Variants in EPHA6 observed in about 807,000 individuals in gnomAD.
EPHA6 encodes the protein EPH receptor A6.
A neutral mutation model predicts 112.0 loss-of-function variants in EPHA6; 50 were observed. The ratio of observed to expected loss-of-function variants is 0.45; its 90% confidence interval spans 0.36 to 0.56. The LOEUF (loss-of-function observed/expected upper bound fraction) is 0.56, where lower values mean the gene tolerates loss of function less well. Ranked by LOEUF, EPHA6 falls within the 20% of genes least tolerant of loss-of-function variation. The pLI, the probability that EPHA6 is intolerant of heterozygous loss-of-function variation, is 0.00. For missense variants in EPHA6, 1,280 were observed against 1,417.4 expected, an observed-to-expected ratio of 0.90 and a Z score of 1.56; for synonymous variants, 529 against 490.7, an observed-to-expected ratio of 1.08 and a Z score of -1.03.
At chr3:97,053,424 G>T (rs1453392223) in intron 3 of EPHA6, among the ~76,000 whole-genome samples, 1 of 152,094 alleles carries the variant, frequency 6.6e-6, no homozygotes, top group Admixed American at 6.6e-5. Flanking sequence ...AGAATTAAAG[G>T]AAAGTATAGG....
rs760382022 is a variant in EPHA6, at chr3:97,532,410, G to C, written c.2253G>C (p.Glu751Asp). ...SGRLKTPGKR[E>D]IPVAIKTLKG... Reference sequence around the variant, plus strand: ...GTTTGAAGACACCAGGGAAAAGAGAGATCCCAGTTGCCATTAAAACTTTGA... The same window carrying C: ...GTTTGAAGACACCAGGGAAAAGAGACATCCCAGTTGCCATTAAAACTTTGA... The change falls in exon 11 of 18, where the codon GAG (glutamate) becomes GAC (aspartate). Residue 751 changes from glutamate (E) to aspartate (D), a missense_variant. Glu to Asp is a conservative substitution (Grantham distance 45). Coordinates refer to ENST00000389672, the MANE Select transcript of EPHA6 (RefSeq NM_001080448.3). 24 of 1,612,572 alleles carry C rather than the reference G, an allele frequency of 1.5e-5. No homozygotes were observed. Among genetic ancestry groups the C allele is most frequent in the Non-Finnish European group, 2.0e-5 (24 of 1,178,940 alleles).
chr3:97,479,419 AG>A (rs2091468231), intron 9 of EPHA6, 55 bp downstream of exon 9: 7 of 1,223,906 alleles, frequency 5.7e-6, no homozygotes, highest in Admixed American at 2.5e-5. Flanking sequence ...GCACTTCAGG[AG>A]TTCATTCAAA....
Position 97,646,181 on chromosome 3 carries a change from G to A in EPHA6, c.2784+8099G>A, listed in dbSNP as rs991641058. The A allele has an allele frequency of 3.5e-5, 54 of 1,535,720 alleles. No homozygotes were observed. The African/African-American group carries it at 7.1e-4, about 20-fold the overall frequency. The stretch of plus-strand genomic sequence containing the variant: ...TTAAAGAAGATGGTCTGGAAAGCTT[G>A]TGTGAGCAGTGCGAGTCCAGCTCTG... On this transcript the variant is annotated intron_variant, in intron 14 of 17. Coordinates refer to ENST00000389672, the MANE Select transcript of EPHA6 (RefSeq NM_001080448.3).
At chr3:97,549,779 C>G (rs1224717541) in intron 11 of EPHA6, among the ~76,000 whole-genome samples, 4 of 151,754 alleles carry the variant, frequency 2.6e-5, no homozygotes, top group Non-Finnish European at 5.9e-5. Context: ...CTACTGCACT[C>G]CAGCCTGGGC....
intron 12 of EPHA6, among the ~76,000 whole-genome samples, chr3:97,609,537 A>C (rs2093702687): frequency 6.6e-6 from 1 of 151,504 alleles, no homozygotes; most frequent in Non-Finnish European, 1.5e-5. Context: ...TATTCACTAC[A>C]AATGGAAAAC....
At chr3:97,080,459 C>A (rs565586752) in intron 3 of EPHA6, among the ~76,000 whole-genome samples, 1 of 152,154 alleles carries the variant, frequency 6.6e-6, no homozygotes, top group Admixed American at 6.6e-5. Flanking sequence ...ACATAATTAG[C>A]ATTTTCTATA....
intron 7 of EPHA6, among the ~76,000 whole-genome samples, chr3:97,458,948 TAAAC>T (rs1309151489): frequency 6.6e-6 from 1 of 152,144 alleles, no homozygotes; most frequent in Non-Finnish European, 1.5e-5. Flanking sequence ...TTCAGAATAT[TAAAC>T]AAGATTCCAG....
At chr3:96,901,409 C>T (rs2038603502) in intron 2 of EPHA6, among the ~76,000 whole-genome samples, 2 of 151,744 alleles carry the variant, frequency 1.3e-5, no homozygotes, top group Non-Finnish European at 2.9e-5. Flanking sequence ...ACTGGTTATA[C>T]TGTAGTAATC....
At position 97,643,186 on chromosome 3, in the gene EPHA6, A is replaced by G. The variant is rs569716940; in HGVS notation, c.2784+5104A>G. Among the ~76,000 whole-genome samples the G allele has an allele frequency of 4.0e-3, 594 of 150,234 alleles. 2 individuals carry two copies. Among genetic ancestry groups the G allele is most frequent in the Non-Finnish European group, 6.3e-3 (423 of 66,948 alleles). ...TCAACCCAGAATTTCATATCCAGCC[A>G]AACTAAGCTTCATAAGTGAAGGAGA... On this transcript the variant is annotated intron_variant, in intron 14 of 17. Coordinates refer to ENST00000389672, the MANE Select transcript of EPHA6 (RefSeq NM_001080448.3).
chr3:96,907,605 TAGTA>T (rs771942650), intron 2 of EPHA6, among the ~76,000 whole-genome samples: 1 of 151,890 alleles, frequency 6.6e-6, no homozygotes, highest in East Asian at 1.9e-4. Context: ...TTTTAATATT[TAGTA>T]AGAGATGTCA....
chr3:97,411,417 C>A lies in EPHA6; in HGVS notation c.1731+6143C>A, dbSNP rs529074268. ...AGCAACATTGCAGAGTCTGCAAACA[C>A]ATGAAAATTACAAATATCTGCTAAC... On this transcript the variant is annotated intron_variant, in intron 6 of 17. Transcript: ENST00000389672. Among the ~76,000 whole-genome samples the A allele has an allele frequency of 3.7e-4, 56 of 152,172 alleles. 1 individual carries two copies. In the South Asian group the frequency reaches 9.1e-3, roughly 25 times the overall value.
chr3:96,849,216 T>C (rs1213936469), intron 1 of EPHA6, among the ~76,000 whole-genome samples: 1 of 152,122 alleles, frequency 6.6e-6, no homozygotes, highest in Non-Finnish European at 1.5e-5. Flanking sequence ...TTAAATATTA[T>C]AAAACTCAAA....
intron 11 of EPHA6, among the ~76,000 whole-genome samples, chr3:97,564,811 A>G (rs1044915433): frequency 1.4e-4 from 22 of 152,198 alleles, no homozygotes; most frequent in African/African-American, 4.8e-4. Context: ...GTCAGCAGCT[A>G]TTATACACTC....
At chr3:97,471,925 A>G (rs531404051) in intron 7 of EPHA6, among the ~76,000 whole-genome samples, 1 of 151,852 alleles carries the variant, frequency 6.6e-6, no homozygotes, top group African/African-American at 2.4e-5. Flanking sequence ...AGTTTCTAAG[A>G]GAGACTTCTT....
intron 14 of EPHA6, among the ~76,000 whole-genome samples, chr3:97,645,108 G>A (rs186448949): frequency 9.2e-5 from 14 of 152,150 alleles, no homozygotes; most frequent in South Asian, 2.1e-4. Context: ...TCAATGTGGC[G>A]ATTCCTCAGG....
intron 5 of EPHA6, among the ~76,000 whole-genome samples, chr3:97,403,326 G>T (rs77756068): frequency 0.12 from 18,295 of 151,980 alleles, 3,522 homozygotes; most frequent in African/African-American, 0.4. Context: ...ATTGATATTT[G>T]TGTTAAATCA....
At chr3:97,526,063 GCC>G (rs1293214198) in intron 10 of EPHA6, among the ~76,000 whole-genome samples, 1 of 152,144 alleles carries the variant, frequency 6.6e-6, no homozygotes, top group Non-Finnish European at 1.5e-5. Context: ...GAGATCTTTA[GCC>G]CCCACGAATA....
At position 97,375,383 on chromosome 3, in the gene EPHA6, C is replaced by A. The variant is rs78298859; in HGVS notation, c.1607-29767C>A. On this transcript the variant is annotated intron_variant, in intron 5 of 17. Transcript: ENST00000389672. Reference sequence around the variant, plus strand: ...ATTATTAGTGTTTTAAACTCTGTAACTAAATGGTAATTTTACCACATTCTC... The same window carrying A: ...ATTATTAGTGTTTTAAACTCTGTAAATAAATGGTAATTTTACCACATTCTC... Among the ~76,000 whole-genome samples, 1,438 of 152,206 alleles carry A rather than the reference C, an allele frequency of 9.4e-3. 21 individuals carry two copies. Among genetic ancestry groups the A allele is most frequent in the African/African-American group, 0.032 (1,337 of 41,538 alleles).
At chr3:97,202,168 T>C (rs989760592) in intron 3 of EPHA6, among the ~76,000 whole-genome samples, 1 of 152,004 alleles carries the variant, frequency 6.6e-6, no homozygotes, top group Non-Finnish European at 1.5e-5. Flanking sequence ...ATACTCTTCA[T>C]ACCAGAAACT....
Sources: gnomAD v4.1 joint callset for allele counts (sites outside exome capture counted in the v4.1 genomes callset) on GRCh38, gnomAD v4.1.1 for gene constraint, MANE v1.5 for transcripts, NCBI Gene and HGNC (gene_info 2026-07-23, HGNC 2026-07-21) for gene names.